MTA3: variants seen among roughly 807,000 people sequenced by gnomAD.
The protein encoded by MTA3 is metastasis-associated protein MTA3.
MTA3 carries 34 observed loss-of-function variants against 83.5 expected under a neutral mutation model. That is an observed-to-expected ratio of 0.41 (90% CI 0.31 to 0.54). The LOEUF is 0.54. Among genes scored for constraint, MTA3 ranks in the 20% least tolerant of loss-of-function variants. The pLI, the probability that MTA3 is intolerant of heterozygous loss-of-function variation, is 0.33. For missense variants in MTA3, 761 were observed against 726.4 expected, an observed-to-expected ratio of 1.05 and a Z score of -0.55; for synonymous variants, 303 against 252.7, an observed-to-expected ratio of 1.20 and a Z score of -1.89.
intron 3 of MTA3, among the ~76,000 whole-genome samples, chr2:42,597,724 A>C (rs1485747172): frequency 2.2e-5 from 3 of 135,172 alleles, no homozygotes; most frequent in Non-Finnish European, 3.1e-5. Flanking sequence ...TCTGTTGCCC[A>C]GGCTGGAGTG....
chr2:42,590,708 C>T (rs1407367233), intron 3 of MTA3, among the ~76,000 whole-genome samples: 1 of 151,110 alleles, frequency 6.6e-6, no homozygotes, highest in African/African-American at 2.4e-5. Flanking sequence ...GCAACCTCCG[C>T]CTCCTGAGTT....
chr2:42,627,751 T>C (rs7586777), intron 4 of MTA3, among the ~76,000 whole-genome samples: 1 of 97,754 alleles, frequency 1.0e-5, no homozygotes, highest in East Asian at 3.1e-4. Flanking sequence ...TTTTTTTTTG[T>C]ATTTTTGGTA....
At position 42,541,609 on chromosome 2, in the gene MTA3, G is replaced by A. The variant is rs372277629; in HGVS notation, c.-140-28828G>A. 8.9e-4 allele frequency among the ~76,000 whole-genome samples: 135 copies of A among 152,318 alleles called. 3 individuals carry two copies. The South Asian group carries it at 0.014, about 16-fold the overall frequency. Reference sequence around the variant, plus strand: ...GGCTTAGCTGTGACACTGGGTAGATGAGGTGTATTAAGTGTGTTTTTGACT... The same window carrying A: ...GGCTTAGCTGTGACACTGGGTAGATAAGGTGTATTAAGTGTGTTTTTGACT... On this transcript the variant is annotated intron_variant, in intron 2 of 17. Coordinates refer to the MTA3 transcript ENST00000405592.
intron 2 of MTA3, among the ~76,000 whole-genome samples, chr2:42,530,344 A>T (rs1207331578): frequency 6.7e-6 from 1 of 149,208 alleles, no homozygotes; most frequent in Non-Finnish European, 1.5e-5. Context: ...AAAATTAGCC[A>T]GGCTTGGTGG....
intron 2 of MTA3, among the ~76,000 whole-genome samples, chr2:42,521,500 A>T (rs1406381986): frequency 6.6e-6 from 1 of 152,200 alleles, no homozygotes; most frequent in Admixed American, 6.6e-5. Context: ...ATAACAATAG[A>T]TAACTAATAC....
At chr2:42,566,487 T>A (rs887252717), upstream of MTA3, among the ~76,000 whole-genome samples, 5 of 152,096 alleles carry the variant, frequency 3.3e-5, no homozygotes, top group African/African-American at 1.2e-4. Flanking sequence ...ATATAGAATC[T>A]AGAGCAAAAA....
intron 9 of MTA3, among the ~76,000 whole-genome samples, chr2:42,693,418 A>G (rs76829775): frequency 0.015 from 2,218 of 152,284 alleles, 54 homozygotes; most frequent in African/African-American, 0.049. Context: ...CTGATGTTCT[A>G]TTCTGCTGTG....
exon 1 of MTA3, chr2:42,494,919 A>G (rs1031064912): frequency 1.3e-5 from 2 of 152,170 alleles, no homozygotes; most frequent in Non-Finnish European, 2.9e-5. Context: ...AGCGGGTTCC[A>G]CTTGGCAGGG....
chr2:42,587,747 G>T (rs991710908), intron 3 of MTA3, among the ~76,000 whole-genome samples: 3 of 151,922 alleles, frequency 2.0e-5, no homozygotes. Flanking sequence ...GATCACAGGC[G>T]TGCCCCACCA....
chr2:42,718,138 T>A (rs773066356), intron 14 of MTA3, among the ~76,000 whole-genome samples: 39 of 150,804 alleles, frequency 2.6e-4, no homozygotes, highest in Admixed American at 4.6e-4. Flanking sequence ...GTTAACGAGT[T>A]CTTTTGATAG....
chr2:42,524,827 C>CA (rs59653736), intron 2 of MTA3, among the ~76,000 whole-genome samples: 2,708 of 126,430 alleles, frequency 0.021, 69 homozygotes, highest in African/African-American at 0.071. Context: ...ATCTAGCATC[C>CA]AAAAAAAAAA....
intron 1 of MTA3, among the ~76,000 whole-genome samples, chr2:42,569,224 G>T (rs1337556817): frequency 2.0e-5 from 3 of 151,892 alleles, no homozygotes; most frequent in Admixed American, 6.6e-5. Flanking sequence ...TGGGGGCCCA[G>T]CCAGGGGCCC....
intron 4 of MTA3, among the ~76,000 whole-genome samples, chr2:42,628,307 T>G (rs1159465436): frequency 1.3e-5 from 2 of 152,054 alleles, no homozygotes; most frequent in African/African-American, 4.8e-5. Flanking sequence ...CTTGGCTCAC[T>G]GCAACCTCCA....
At chr2:42,576,870 C>G (rs996269758) in intron 2 of MTA3, among the ~76,000 whole-genome samples, 1 of 152,030 alleles carries the variant, frequency 6.6e-6, no homozygotes, top group Admixed American at 6.6e-5. Flanking sequence ...GCACTCCAGC[C>G]TGGGCAACAG....
intron 10 of MTA3, among the ~76,000 whole-genome samples, chr2:42,696,495 A>G (rs1204954115): frequency 6.6e-6 from 1 of 152,242 alleles, no homozygotes; most frequent in East Asian, 1.9e-4. Flanking sequence ...ATAGGCACAT[A>G]TTAGAACTGA....
chr2:42,548,813 A>ATATATATATATAT (rs1676884603), intron 2 of MTA3, among the ~76,000 whole-genome samples: 2 of 36,684 alleles, frequency 5.5e-5, no homozygotes, highest in African/African-American at 1.5e-4. Flanking sequence ...AAAAAAAAAT[A>ATATATATATATAT]TATATATATA....
At chr2:42,527,461 C>G (rs1239536192) in intron 2 of MTA3, among the ~76,000 whole-genome samples, 1 of 152,070 alleles carries the variant, frequency 6.6e-6, no homozygotes, top group Non-Finnish European at 1.5e-5. Context: ...CTTTTTTCCT[C>G]TAGATTCCTT....
chr2:42,509,310 C>T (rs953788040), intron 2 of MTA3, among the ~76,000 whole-genome samples: 4 of 152,018 alleles, frequency 2.6e-5, no homozygotes, highest in Admixed American at 6.6e-5. Flanking sequence ...CCCAGAGTGC[C>T]GGGATTACAG....
At chr2:42,524,076 T>TG (rs558119788) in intron 2 of MTA3, among the ~76,000 whole-genome samples, 28 of 151,990 alleles carry the variant, frequency 1.8e-4, no homozygotes, top group Non-Finnish European at 3.4e-4. Context: ...TGCCATGACC[T>TG]GGGGGGGCCA....
Sources: allele counts gnomAD v4.1 joint callset (sites outside exome capture counted in the v4.1 genomes callset), GRCh38; gene constraint gnomAD v4.1.1; transcripts MANE v1.5; gene names NCBI Gene and HGNC (gene_info 2026-07-23, HGNC 2026-07-21).